Variants in LINGO2 observed in about 807,000 individuals in gnomAD.
The protein encoded by LINGO2 is leucine-rich repeat and immunoglobulin-like domain-containing nogo receptor-interacting protein 2.
In LINGO2, 14 loss-of-function variants were observed where a neutral mutation model predicts 30.6. The ratio of observed to expected loss-of-function variants is 0.46; its 90% CI spans 0.30 to 0.72. The LOEUF is 0.72. Ranked by LOEUF, LINGO2 falls within the 30% of genes least tolerant of loss-of-function variation. The pLI, the probability that LINGO2 is intolerant of heterozygous loss-of-function variation, is 0.07. For synonymous variants in LINGO2, 317 were observed against 288.5 expected (o/e 1.10, Z -1.00); for missense variants, 729 against 751.7 (o/e 0.97, Z 0.35).
the LINGO2 span, among the ~76,000 whole-genome samples, chr9:29,176,423 C>G: frequency 6.6e-6 from 1 of 152,190 alleles, no homozygotes; most frequent in African/African-American, 2.4e-5. Context: ...TTTCCCTCCC[C>G]TTCCTTTGAC....
chr9:28,085,783 T>C (rs913495139), intron 4 of LINGO2, among the ~76,000 whole-genome samples: 6 of 152,052 alleles, frequency 3.9e-5, no homozygotes, highest in Non-Finnish European at 5.9e-5. Context: ...ATGGAAATCC[T>C]CAAGAATAGT....
At chr9:28,219,196 T>C (rs1192155614) in intron 4 of LINGO2, among the ~76,000 whole-genome samples, 1 of 152,164 alleles carries the variant, frequency 6.6e-6, no homozygotes, top group African/African-American at 2.4e-5. Context: ...TAAGAAGTAT[T>C]TGTGGATGTC....
chr9:28,424,310 C>G (rs1360859732), intron 2 of LINGO2, among the ~76,000 whole-genome samples: 1 of 152,100 alleles, frequency 6.6e-6, no homozygotes, highest in Non-Finnish European at 1.5e-5. Flanking sequence ...AGAGGCCTTT[C>G]AGCTTCTACT....
chr9:28,167,147 C>G (rs796785100), intron 4 of LINGO2, among the ~76,000 whole-genome samples: 3 of 141,818 alleles, frequency 2.1e-5, no homozygotes, highest in African/African-American at 5.1e-5. Context: ...GCACCCCCCC[C>G]CCCCACTTTT....
intron 2 of LINGO2, among the ~76,000 whole-genome samples, chr9:28,462,562 T>C (rs1263872624): frequency 6.6e-6 from 1 of 152,026 alleles, no homozygotes; most frequent in Non-Finnish European, 1.5e-5. Flanking sequence ...GTCACCTTTC[T>C]CTTCAACCAT....
chr9:28,473,390 T>C (rs890540588), intron 2 of LINGO2, among the ~76,000 whole-genome samples: 5 of 151,878 alleles, frequency 3.3e-5, no homozygotes, highest in African/African-American at 1.2e-4. Flanking sequence ...ATAAAATATC[T>C]AGAGCCTCTC....
chr9:28,875,876 T>A, the LINGO2 span, among the ~76,000 whole-genome samples: 1 of 152,154 alleles, frequency 6.6e-6, no homozygotes, highest in Non-Finnish European at 1.5e-5. Flanking sequence ...TCCTAATGCT[T>A]AATACATTTA....
chr9:28,521,998 A>G (rs1208249485), intron 1 of LINGO2, among the ~76,000 whole-genome samples: 2 of 152,228 alleles, frequency 1.3e-5, no homozygotes, highest in East Asian at 3.9e-4. Context: ...CATGGCCATT[A>G]CAACACCTTT....
At chr9:28,616,606 T>C (rs994547454) in intron 1 of LINGO2, among the ~76,000 whole-genome samples, 11 of 152,228 alleles carry the variant, frequency 7.2e-5, no homozygotes, top group African/African-American at 2.4e-4. Context: ...AAACATCCTT[T>C]GCACATATAG....
At chr9:28,363,197 G>T (rs938592840) in intron 3 of LINGO2, among the ~76,000 whole-genome samples, 1 of 152,192 alleles carries the variant, frequency 6.6e-6, no homozygotes, top group Non-Finnish European at 1.5e-5. Context: ...TGGAAAAACT[G>T]GGATTCAAGC....
intron 4 of LINGO2, among the ~76,000 whole-genome samples, chr9:28,120,219 C>A (rs143021366): frequency 6.4e-4 from 97 of 152,324 alleles, no homozygotes; most frequent in African/African-American, 2.3e-3. Context: ...GAAAACCAAT[C>A]TAAGGTAATT....
intron 1 of LINGO2, among the ~76,000 whole-genome samples, chr9:28,629,554 C>A (rs1826838978): frequency 6.6e-6 from 1 of 151,860 alleles, no homozygotes; most frequent in Non-Finnish European, 1.5e-5. Flanking sequence ...ATGTTATTTT[C>A]ATTTATAGCC....
chr9:28,097,032 CAAAATT>C (rs1469549458), intron 4 of LINGO2, among the ~76,000 whole-genome samples: 2 of 149,562 alleles, frequency 1.3e-5, no homozygotes, highest in African/African-American at 4.9e-5. Flanking sequence ...ATAAAAGAAA[CAAAATT>C]GAAAAAAAAA....
chr9:29,199,512 C>G, the LINGO2 span, among the ~76,000 whole-genome samples: 1 of 152,126 alleles, frequency 6.6e-6, no homozygotes, highest in Non-Finnish European at 1.5e-5. Flanking sequence ...AGGCTTAACC[C>G]TAGAAGAGTC....
At chr9:28,398,122 T>C (rs1452609267) in intron 2 of LINGO2, among the ~76,000 whole-genome samples, 1 of 152,142 alleles carries the variant, frequency 6.6e-6, no homozygotes, top group Admixed American at 6.5e-5. Flanking sequence ...AGTGTTATGA[T>C]TACCCTGGCT....
the LINGO2 span, among the ~76,000 whole-genome samples, chr9:28,776,962 C>A: frequency 2.0e-5 from 3 of 152,004 alleles, no homozygotes; most frequent in Admixed American, 6.6e-5. Flanking sequence ...CCTTGGATTT[C>A]CCCCTTGCTG....
At position 28,005,856 on chromosome 9, in the gene LINGO2, C is replaced by T. The variant is rs143828062; in HGVS notation, c.-36+6499G>A. Among the ~76,000 whole-genome samples, 3 of 151,974 alleles carry T rather than the reference C, an allele frequency of 2.0e-5. 1 individual carries two copies. The highest frequency in any genetic ancestry group is 7.2e-5 in the African/African-American group (3 of 41,448). ...AAAGCATCCAAAAATGCATAGATGGCCTTATCATTTTGAGATAGTCAACCT... is the reference window on the plus strand; with the variant it reads ...AAAGCATCCAAAAATGCATAGATGGTCTTATCATTTTGAGATAGTCAACCT... On this transcript the variant is annotated intron_variant, in intron 5 of 5. Transcript: ENST00000379992.
intron 2 of LINGO2, among the ~76,000 whole-genome samples, chr9:28,422,967 T>C (rs1199341077): frequency 6.6e-6 from 1 of 152,026 alleles, no homozygotes; most frequent in Non-Finnish European, 1.5e-5. Context: ...ATCAGGTACC[T>C]AGAATAGTCA....
At chr9:28,868,437 G>A in the LINGO2 span, among the ~76,000 whole-genome samples, 1 of 152,052 alleles carries the variant, frequency 6.6e-6, no homozygotes, top group African/African-American at 2.4e-5. Flanking sequence ...ATGTGGTTAT[G>A]TGTGTATGTT....
Sources: allele counts gnomAD v4.1 joint callset (sites outside exome capture counted in the v4.1 genomes callset), GRCh38; gene constraint gnomAD v4.1.1; transcripts MANE v1.5; gene names NCBI Gene and HGNC (gene_info 2026-07-23, HGNC 2026-07-21).